Variants in CLPB observed in about 807,000 individuals in gnomAD.
The protein encoded by CLPB is ClpB family mitochondrial disaggregase, also known as mitochondrial disaggregase.
A neutral mutation model predicts 78.4 loss-of-function variants in CLPB; 40 were observed. That is an observed-to-expected ratio of 0.51 (90% CI 0.40 to 0.66). The LOEUF (loss-of-function observed/expected upper bound fraction) is 0.66. Ranked by LOEUF, CLPB falls within the 30% of genes least tolerant of loss-of-function variation. CLPB has a pLI of 0.00. For missense variants in CLPB, 780 were observed against 886.9 expected (o/e 0.88, Z 1.53); for synonymous variants, 333 against 348.0 (o/e 0.96, Z 0.48).
chr11:72,408,683 AAAAAG>A (rs1191600623), intron 2 of CLPB, among the ~76,000 whole-genome samples: 288 of 151,196 alleles, frequency 1.9e-3, no homozygotes, highest in Non-Finnish European at 3.4e-3. Context: ...AAAAAAAAAA[AAAAAG>A]AAAAGAAAAG....
At chr11:72,362,211 T>C (rs1351119090) in intron 4 of CLPB, among the ~76,000 whole-genome samples, 1 of 152,234 alleles carries the variant, frequency 6.6e-6, no homozygotes, top group Non-Finnish European at 1.5e-5. Flanking sequence ...AGTCACTTTC[T>C]CCAGTGATTC....
At chr11:72,343,905 G>A (rs1159557889) in intron 5 of CLPB, among the ~76,000 whole-genome samples, 1 of 152,166 alleles carries the variant, frequency 6.6e-6, no homozygotes, top group Non-Finnish European at 1.5e-5. Flanking sequence ...CTCAGTAGGA[G>A]TTTAAAAAAT....
At chr11:72,336,465 T>G (rs896332974) in intron 5 of CLPB, 1 of 152,220 alleles carries the variant, frequency 6.6e-6, no homozygotes, top group Admixed American at 6.5e-5. Context: ...GCACTTGCTC[T>G]ACTTCTCTGG....
intron 14 of CLPB, 77 bp from the exon 15 acceptor site, chr11:72,294,203 G>C: frequency 1.2e-6 from 2 of 1,603,186 alleles, no homozygotes; most frequent in Non-Finnish European, 1.7e-6. Flanking sequence ...CCTGAGGCCA[G>C]GGCCACTGGC....
chr11:72,315,751 G>A (rs891959253), intron 7 of CLPB, among the ~76,000 whole-genome samples: 3 of 152,166 alleles, frequency 2.0e-5, no homozygotes, highest in Non-Finnish European at 2.9e-5. Context: ...TACCCATGGG[G>A]TGCCAGGCTC....
intron 2 of CLPB, among the ~76,000 whole-genome samples, chr11:72,415,384 T>C (rs1855992350): frequency 6.6e-6 from 1 of 152,156 alleles, no homozygotes; most frequent in African/African-American, 2.4e-5. Context: ...ACCAATCAGC[T>C]GACAGAAAAT....
chr11:72,395,510 A>C (rs1480104262), intron 3 of CLPB, among the ~76,000 whole-genome samples: 1 of 152,224 alleles, frequency 6.6e-6, no homozygotes, highest in Non-Finnish European at 1.5e-5. Flanking sequence ...GTAAAATAGG[A>C]ATAATAATCC....
At position 72,294,085 on chromosome 11, in the gene CLPB, C is replaced by G; in HGVS notation, c.1722G>C (p.Glu574Asp). ...RHNITLLWDR[E>D]VADVLVDGYN... ...AGCCGTCGACCAGCACATCTGCCAC[C>G]TCGCGGTCCCAGAGCAGCGTGATGT... The change falls in exon 15 of 16, where the codon GAG becomes GAC. Residue 574 changes from glutamate to aspartate, a missense_variant. Around this residue, in one of 3 missense-constraint regions of CLPB, gnomAD observed 272 missense variants for 304.0 expected, o/e 0.89. Coordinates refer to ENST00000538039, the MANE Select transcript of CLPB (RefSeq NM_001258392.3). 6.2e-7 allele frequency: 1 copy of G among 1,614,196 alleles called. No homozygotes were observed. Among genetic ancestry groups the G allele is most frequent in the Non-Finnish European group, 8.5e-7 (1 of 1,180,022 alleles).
intron 11 of CLPB, among the ~76,000 whole-genome samples, chr11:72,299,019 G>GC (rs1248993520): frequency 1.3e-5 from 2 of 152,322 alleles, no homozygotes; most frequent in African/African-American, 4.8e-5. Flanking sequence ...CTGATGAACG[G>GC]CCCCTTGGCC....
chr11:72,346,950 C>A (rs1950526213), intron 5 of CLPB, among the ~76,000 whole-genome samples: 2 of 145,876 alleles, frequency 1.4e-5, no homozygotes, highest in Admixed American at 6.9e-5. Context: ...CATTGCACTC[C>A]AGCCTGGGTG....
At chr11:72,296,701 CCTT>C (rs1191057412) in intron 11 of CLPB, among the ~76,000 whole-genome samples, 1 of 152,200 alleles carries the variant, frequency 6.6e-6, no homozygotes, top group African/African-American at 2.4e-5. Flanking sequence ...CAACCCCACT[CCTT>C]CTACTAGGAA....
At chr11:72,335,125 T>C (rs1174097184) in intron 5 of CLPB, among the ~76,000 whole-genome samples, 1 of 147,070 alleles carries the variant, frequency 6.8e-6, no homozygotes, top group Non-Finnish European at 1.5e-5. Flanking sequence ...GCCAGGAAAG[T>C]AGTGTGGGGG....
chr11:72,349,615 C>T (rs935132497), intron 5 of CLPB, among the ~76,000 whole-genome samples: 5 of 152,244 alleles, frequency 3.3e-5, no homozygotes, highest in African/African-American at 1.2e-4. Context: ...TGCTACTTTA[C>T]AGGCCCTGAC....
chr11:72,426,471 A>T (rs893757217), intron 2 of CLPB, among the ~76,000 whole-genome samples: 9 of 151,042 alleles, frequency 6.0e-5, no homozygotes, highest in African/African-American at 2.2e-4. Context: ...CCAGGCTTCC[A>T]CTTCTGAGGA....
chr11:72,295,692 C>T (rs747792083), intron 11 of CLPB, 44 bp from the exon 12 acceptor site: 1 of 1,598,892 alleles, frequency 6.3e-7, no homozygotes, highest in Middle Eastern at 1.7e-4. Flanking sequence ...GAGCTATGTG[C>T]CTGGGCAGGC....
At chr11:72,425,821 A>T (rs1350511238) in intron 2 of CLPB, among the ~76,000 whole-genome samples, 1 of 152,042 alleles carries the variant, frequency 6.6e-6, no homozygotes, top group Non-Finnish European at 1.5e-5. Flanking sequence ...CCTTCTATTT[A>T]CAAAGTCCAA....
At chr11:72,402,695 C>T (rs890766777) in intron 3 of CLPB, among the ~76,000 whole-genome samples, 4 of 152,244 alleles carry the variant, frequency 2.6e-5, no homozygotes, top group African/African-American at 4.8e-5. Context: ...TTACAACAGG[C>T]TTCCAAACAT....
intron 3 of CLPB, among the ~76,000 whole-genome samples, chr11:72,388,958 C>A (rs1448051868): frequency 6.6e-6 from 1 of 152,066 alleles, no homozygotes; most frequent in East Asian, 1.9e-4. Context: ...CCAAGAAGTT[C>A]ACAATCAAAA....
chr11:72,399,407 G>A (rs1855499968), intron 3 of CLPB, among the ~76,000 whole-genome samples: 1 of 151,944 alleles, frequency 6.6e-6, no homozygotes, highest in Non-Finnish European at 1.5e-5. Flanking sequence ...CCTCTCCTGT[G>A]TATATTTATA....
Sources: gnomAD v4.1 joint callset for allele counts (sites outside exome capture counted in the v4.1 genomes callset) on GRCh38, gnomAD v4.1.1 for gene constraint, gnomAD v4.1.1 regional missense constraint, MANE v1.5 for transcripts, NCBI Gene and HGNC (gene_info 2026-07-23, HGNC 2026-07-21) for gene names.